The following L3MBTL2 variants were observed in gnomAD, a reference collection of about 807,000 sequenced individuals.
L3MBTL2 encodes L3MBTL histone methyl-lysine binding protein 2.
L3MBTL2 carries 49 observed loss-of-function variants against 86.4 expected under a neutral mutation model. The ratio of observed to expected loss-of-function variants is 0.57; its 90% CI spans 0.45 to 0.72. L3MBTL2 has a LOEUF of 0.72. Ranked by LOEUF, L3MBTL2 falls within the 30% of genes least tolerant of loss-of-function variation. L3MBTL2 has a pLI of 0.00. For missense variants in L3MBTL2, 755 were observed against 923.7 expected (o/e 0.82, Z 2.37); for synonymous variants, 336 against 350.6 (o/e 0.96, Z 0.47).
chr22:41,217,221 A>C lies in L3MBTL2; in HGVS notation c.600+19A>C. On this transcript the variant is annotated intron_variant, in intron 5 of 16. Transcript: ENST00000216237. ...CAAGCACGTGAGTGCCCTGGAGCTG[A>C]GGGAGGGAGGCCGGGGAGCCGGGCC... The C allele has an allele frequency of 1.2e-6, 2 of 1,601,162 alleles. No individual in the cohort carries two copies. Among genetic ancestry groups the C allele is most frequent in the East Asian group, 4.5e-5 (2 of 44,822 alleles).
At chr22:41,228,867 A>AT (rs2145619705) in intron 15 of L3MBTL2, among the ~76,000 whole-genome samples, 1 of 151,644 alleles carries the variant, frequency 6.6e-6, no homozygotes, top group African/African-American at 2.4e-5. Flanking sequence ...AAAAAAAAAA[A>AT]TTGAGTGAGG....
At chr22:41,223,121 C>T (rs569490253) in intron 8 of L3MBTL2, among the ~76,000 whole-genome samples, 1 of 152,286 alleles carries the variant, frequency 6.6e-6, no homozygotes, top group Admixed American at 6.5e-5. Context: ...AGGACGTATC[C>T]CAAGCCCTTG....
At chr22:41,228,496 G>A (rs1265551350) in intron 15 of L3MBTL2, 1 of 985,330 alleles carries the variant, frequency 1.0e-6, no homozygotes, top group Non-Finnish European at 1.2e-6. Flanking sequence ...TCCACAGTGT[G>A]GTACCATGTG....
intron 4 of L3MBTL2, 102 bp downstream of exon 4, chr22:41,216,364 G>A (rs1331760021): frequency 7.0e-7 from 1 of 1,421,730 alleles, no homozygotes; most frequent in Non-Finnish European, 9.5e-7. Context: ...AAACCGGCCA[G>A]GTAGAAAGTG....
intron 2 of L3MBTL2, among the ~76,000 whole-genome samples, chr22:41,211,309 T>G (rs549634938): frequency 6.6e-6 from 1 of 152,172 alleles, no homozygotes; most frequent in East Asian, 1.9e-4. Context: ...CAGGCAATCC[T>G]TCCACCTCAG....
intron 4 of L3MBTL2, 136 bp from the exon 5 acceptor site, chr22:41,216,987 C>T (rs983267020): frequency 6.2e-6 from 4 of 646,208 alleles, no homozygotes; most frequent in South Asian, 1.8e-5. Context: ...AGGAGGGTGT[C>T]GTGGGCAGCG....
intron 8 of L3MBTL2, among the ~76,000 whole-genome samples, chr22:41,221,904 T>TACATACTTGTTTACAAGGCACTGTGGGAA (rs1374274605): frequency 6.7e-6 from 1 of 149,486 alleles, no homozygotes; most frequent in African/African-American, 2.5e-5. Flanking sequence ...CGCCCAGCCT[T>TACATACTTGTTTACAAGGCACTGTGGGAA]TTTTTTCTTT....
Position 41,224,239 on chromosome 22 carries a change from A to T in L3MBTL2, c.1162A>T (p.Ile388Phe). ...VGWSRRVGHGIKMSERRSDMA... is the reference protein window; with the variant it reads ...VGWSRRVGHGFKMSERRSDMA... ...TTGGTCACGACGTGTGGGCCACGGC[A>T]TCAAGATGTCAGGTTAGCAGAGCCC... is the stretch of plus-strand genomic sequence containing the variant. The change falls in exon 9 of 17, where the codon ATC (isoleucine) becomes TTC (phenylalanine). Residue 388 changes from isoleucine (I) to phenylalanine (F), a missense_variant. Transcript: ENST00000216237. The surrounding 1 kb of genome is among the most constrained non-coding windows in gnomAD (Gnocchi z 4.9). 1.9e-6 allele frequency: 3 copies of T among 1,611,284 alleles called. No homozygotes were observed. The highest frequency in any genetic ancestry group is 1.7e-6 in the Non-Finnish European group (2 of 1,177,822).
rs778228506 is a variant in L3MBTL2, at chr22:41,227,336, G to C, written c.1822+13G>C. 1.6e-5 allele frequency: 26 copies of C among 1,576,306 alleles called. No homozygotes were observed. In the African/African-American group the frequency reaches 3.4e-4, roughly 21 times the overall value. On this transcript the variant is annotated intron_variant, in intron 14 of 16. Transcript: ENST00000216237. The surrounding 1 kb of genome is among the most constrained non-coding windows in gnomAD (Gnocchi z 6.0). Reference sequence around the variant, plus strand: ...CCTGTGGCCGCAGGTGTGGGCTCTCGTGGCCCTAAGAGGCTCTGACTTTCT... The same window carrying C: ...CCTGTGGCCGCAGGTGTGGGCTCTCCTGGCCCTAAGAGGCTCTGACTTTCT...
chr22:41,217,643 G>A (rs989450745), intron 5 of L3MBTL2: 5 of 173,738 alleles, frequency 2.9e-5, no homozygotes, highest in Non-Finnish European at 6.2e-5. Context: ...GTAAAAGCCA[G>A]AACGAAGGGC....
In L3MBTL2 at chr22:41,213,945, G is replaced by A. The variant is rs1224821349; in HGVS notation, c.315G>A (p.Lys105=). ...IVGTREAFFS[K]TKRFCSVSCS... is the part of the protein sequence containing the mutation. ...GTACAAGGGAAGCCTTCTTCTCCAA[G>A]ACCAAGAGGTTCTGCAGCGTCTCCT... Residue 105 remains lysine (K), a synonymous_variant, in exon 3 of 17, where the codon AAG becomes AAA. Coordinates refer to ENST00000216237, the MANE Select transcript of L3MBTL2 (RefSeq NM_031488.5). 6.2e-7 allele frequency: 1 copy of A among 1,614,014 alleles called. No homozygotes were observed. The highest frequency in any genetic ancestry group is 1.3e-5 in the African/African-American group (1 of 74,912).
Position 41,229,521 on chromosome 22 carries a change from A to T in L3MBTL2, c.1889-19A>T. 2 of 1,603,276 alleles carry T rather than the reference A, an allele frequency of 1.2e-6. No homozygotes were observed. Among genetic ancestry groups the T allele is most frequent in the Non-Finnish European group, 1.7e-6 (2 of 1,171,902 alleles). On this transcript the variant is annotated intron_variant, in intron 15 of 16. Coordinates refer to ENST00000216237, the MANE Select transcript of L3MBTL2 (RefSeq NM_031488.5). Reference sequence around the variant, plus strand: ...AAATACAACCCTAATGCTGGGTTTGAATCCATTTTTATTCAAAGGGAAAAG... The same window carrying T: ...AAATACAACCCTAATGCTGGGTTTGTATCCATTTTTATTCAAAGGGAAAAG...
chr22:41,220,611 T>A (rs1454164102), intron 6 of L3MBTL2, 123 bp from the exon 7 acceptor site: 1 of 1,003,662 alleles, frequency 1.0e-6, no homozygotes, highest in Non-Finnish European at 1.4e-6. Flanking sequence ...TGAGCTGAGA[T>A]GGCGCCACTG....
intron 5 of L3MBTL2, chr22:41,217,454 T>C (rs1569143430): frequency 2.1e-6 from 1 of 482,154 alleles, no homozygotes; most frequent in East Asian, 3.8e-5. Flanking sequence ...AACTTGGTGC[T>C]AGCTGATGTC....
intron 6 of L3MBTL2, among the ~76,000 whole-genome samples, chr22:41,220,126 T>C (rs1347970742): frequency 1.3e-5 from 2 of 152,020 alleles, no homozygotes; most frequent in Non-Finnish European, 2.9e-5. Flanking sequence ...GGCAGGAGGA[T>C]TGTTTGAGCT....
At chr22:41,221,136 A>G in intron 7 of L3MBTL2, 63 bp from the exon 8 acceptor site, 1 of 1,403,678 alleles carries the variant, frequency 7.1e-7, no homozygotes, top group Non-Finnish European at 9.5e-7. Context: ...GGTCGGCGCT[A>G]GCGCCCCTGT....
At chr22:41,226,339 C>T (rs2032183681) in intron 12 of L3MBTL2, among the ~76,000 whole-genome samples, 2 of 152,190 alleles carry the variant, frequency 1.3e-5, no homozygotes, top group African/African-American at 4.8e-5. Flanking sequence ...AGTCAGGCCC[C>T]AGAAGTGTAG....
intron 15 of L3MBTL2, among the ~76,000 whole-genome samples, chr22:41,229,032 A>G (rs1419705260): frequency 6.6e-6 from 1 of 152,036 alleles, no homozygotes; most frequent in Non-Finnish European, 1.5e-5. Flanking sequence ...CTGAGGTGGG[A>G]GGATCTCTTG....
rs1808514137 is a variant in L3MBTL2 at position 41,224,220 on chromosome 22, A to G, written c.1143A>G (p.Ser381=). 6.2e-7 allele frequency: 1 copy of G among 1,613,338 alleles called. No individual in the cohort carries two copies. The highest frequency in any genetic ancestry group is 8.5e-7 in the Non-Finnish European group (1 of 1,179,480). The part of the protein sequence containing the change: ...WSPLIHPVGW[S]RRVGHGIKMS... ...CCCTGATCCACCCAGTGGGTTGGTCACGACGTGTGGGCCACGGCATCAAGA... is the reference window on the plus strand; with the variant it reads ...CCCTGATCCACCCAGTGGGTTGGTCGCGACGTGTGGGCCACGGCATCAAGA... The change falls in exon 9 of 17, where the codon TCA becomes TCG. Residue 381 remains serine, a synonymous_variant. Coordinates refer to ENST00000216237, the MANE Select transcript of L3MBTL2 (RefSeq NM_031488.5). This position sits in a 1 kb window ranked among gnomAD's most constrained non-coding sequence, Gnocchi z 4.9.
Sources: gnomAD v4.1 joint callset for allele counts (sites outside exome capture counted in the v4.1 genomes callset) on GRCh38, gnomAD v4.1.1 for gene constraint, Gnocchi (gnomAD v3.1) non-coding constraint, MANE v1.5 for transcripts, NCBI Gene and HGNC (gene_info 2026-07-23, HGNC 2026-07-21) for gene names.